The following SLC43A2 variants were observed in gnomAD, a reference collection of about 807,000 sequenced individuals.
The protein encoded by SLC43A2 is solute carrier family 43 member 2, also known as large neutral amino acids transporter small subunit 4.
Under a neutral mutation model 63.2 loss-of-function variants are expected in SLC43A2, and 38 were observed. The ratio of observed to expected loss-of-function variants is 0.60; its 90% CI spans 0.46 to 0.79. The LOEUF (loss-of-function observed/expected upper bound fraction) is 0.79. Ranked by LOEUF, SLC43A2 falls within the 30% of genes least tolerant of loss-of-function variation. SLC43A2 has a pLI of 0.00. For synonymous variants in SLC43A2, 322 were observed against 331.0 expected (o/e 0.97, Z 0.30); for missense variants, 644 against 756.2 (o/e 0.85, Z 1.74).
rs1214327028 is a variant in SLC43A2, at chr17:1,571,662, G to A, written c.*3942C>T. On this transcript the variant is annotated 3_prime_UTR_variant, in exon 14 of 14. Transcript: ENST00000301335. This position sits in a 1 kb window ranked among gnomAD's most constrained non-coding sequence, Gnocchi z 5.2. ...ACGGCAGGCAAGGAAGGTTTAAACGGAAGTTCTGACCAGGACGATGCTGGG... is the reference window on the plus strand; with the variant it reads ...ACGGCAGGCAAGGAAGGTTTAAACGAAAGTTCTGACCAGGACGATGCTGGG... 6.6e-6 allele frequency: 1 copy of A among 152,362 alleles called. No individual in the cohort carries two copies. The allele number at this position is 152,362 out of a possible 1,614,324, so 9.4% of individuals were successfully genotyped here. A position where few individuals can be genotyped will look rare whatever the true frequency, so the allele number is the denominator to read the frequency against.
Position 1,575,354 on chromosome 17 carries a change from C to A in SLC43A2, c.*250G>T. On this transcript the variant is annotated 3_prime_UTR_variant, in exon 14 of 14. Transcript: ENST00000301335. ...CTGCAGGCACCACAGAGACCCCAGG[C>A]CCCGGGTCCCCGGGGGGCGGCAGAG... 1 of 551,478 alleles carries A rather than the reference C, an allele frequency of 1.8e-6. No homozygotes were observed. The highest frequency in any genetic ancestry group is 3.2e-6 in the Non-Finnish European group (1 of 312,482). 34.2% of individuals were successfully genotyped at this position (551,478 alleles called of 1,614,324 possible). A position where few individuals can be genotyped will look rare whatever the true frequency, so the allele number is the denominator to read the frequency against.
chr17:1,583,976 A>T lies in SLC43A2; in HGVS notation c.1218-640T>A, dbSNP rs1194323023. Among the ~76,000 whole-genome samples the T allele has an allele frequency of 6.7e-6, 1 of 149,120 alleles. No individual in the cohort carries two copies. The highest frequency in any genetic ancestry group is 2.5e-5 in the African/African-American group (1 of 40,342). On this transcript the variant is annotated intron_variant, in intron 10 of 13. Transcript: ENST00000301335. The surrounding 1 kb of genome is among the most constrained non-coding windows in gnomAD (Gnocchi z 5.5). ...AGTGGTGTGATCTCGGCTCATTGCCACCTCTGCCTCCTGGGTTCAAGCGAT... is the reference window on the plus strand; with the variant it reads ...AGTGGTGTGATCTCGGCTCATTGCCTCCTCTGCCTCCTGGGTTCAAGCGAT...
chr17:1,587,304 A>C (rs532582953), intron 9 of SLC43A2, among the ~76,000 whole-genome samples: 1 of 152,342 alleles, frequency 6.6e-6, no homozygotes, highest in African/African-American at 2.4e-5. Context: ...GGCATGCGGA[A>C]GACCTGGTGC....
intron 11 of SLC43A2, among the ~76,000 whole-genome samples, chr17:1,580,940 T>A (rs983491811): frequency 6.6e-6 from 1 of 152,146 alleles, no homozygotes; most frequent in Admixed American, 6.5e-5. Flanking sequence ...GTCGCCATAT[T>A]GCCCAGGCTG....
At chr17:1,586,928 T>TGGGGCCCCCC in intron 9 of SLC43A2, 23 of 1,232,840 alleles carry the variant, frequency 1.9e-5, no homozygotes, top group Non-Finnish European at 2.6e-5. Context: ...TCCCTGACAA[T>TGGGGCCCCCC]CCCCCCCACC....
In SLC43A2 at chr17:1,572,966, A is replaced by G. The variant is rs2075868569; in HGVS notation, c.*2638T>C. On this transcript the variant is annotated 3_prime_UTR_variant, in exon 14 of 14. Coordinates refer to ENST00000301335, the MANE Select transcript of SLC43A2 (RefSeq NM_152346.3). ...GGTGGGAGAATTGCTTCAGCCCAGG[A>G]GTTCCAGACCAGCCTGGGCAAAATA... 1 of 152,178 alleles carries G rather than the reference A, an allele frequency of 6.6e-6. No homozygotes were observed. The highest frequency in any genetic ancestry group is 1.5e-5 in the Non-Finnish European group (1 of 68,048). The allele number at this position is 152,178 out of a possible 1,614,324, so 9.4% of individuals were successfully genotyped here. A position where few individuals can be genotyped will look rare whatever the true frequency, so the allele number is the denominator to read the frequency against.
intron 2 of SLC43A2, among the ~76,000 whole-genome samples, chr17:1,623,317 G>A (rs1262330856): frequency 6.6e-6 from 1 of 152,184 alleles, no homozygotes; most frequent in African/African-American, 2.4e-5. Context: ...CACCACCACA[G>A]GTGGAGAAAC....
At chr17:1,611,968 T>TTTG (rs909501808) in intron 5 of SLC43A2, among the ~76,000 whole-genome samples, 20 of 152,200 alleles carry the variant, frequency 1.3e-4, no homozygotes, top group Admixed American at 9.2e-4. Context: ...GACTTTCTTT[T>TTTG]TTGTTGTTGT....
rs941495462 is a variant in SLC43A2, at chr17:1,572,834, T to C, written c.*2770A>G. The C allele has an allele frequency of 6.6e-6, 1 of 152,268 alleles. No individual in the cohort carries two copies. The highest frequency in any genetic ancestry group is 1.5e-5 in the Non-Finnish European group (1 of 68,088). 9.4% of individuals were successfully genotyped at this position (152,268 alleles called of 1,614,324 possible). ...CAGCACTGCCCACTTTGGCTGGGAC[T>C]GGGCACTGCTGGGGACAGCACGGGC... On this transcript the variant is annotated 3_prime_UTR_variant, in exon 14 of 14. Coordinates refer to ENST00000301335, the MANE Select transcript of SLC43A2 (RefSeq NM_152346.3).
At chr17:1,628,590 C>A (rs1366615826) in intron 1 of SLC43A2, among the ~76,000 whole-genome samples, 1 of 152,196 alleles carries the variant, frequency 6.6e-6, no homozygotes, top group Non-Finnish European at 1.5e-5. Flanking sequence ...TCGGGCGTTC[C>A]CCCGGCAACT....
At chr17:1,586,928 T>TGGCCCCCACCC in intron 9 of SLC43A2, 2 of 1,232,914 alleles carry the variant, frequency 1.6e-6, no homozygotes, top group Non-Finnish European at 2.2e-6. Context: ...TCCCTGACAA[T>TGGCCCCCACCC]CCCCCCCACC....
In SLC43A2 at chr17:1,606,498, C is replaced by T. The variant is rs1187868559; in HGVS notation, c.501+6697G>A. 6.6e-6 allele frequency among the ~76,000 whole-genome samples: 1 copy of T among 152,206 alleles called. No individual in the cohort carries two copies. The highest frequency in any genetic ancestry group is 1.9e-4 in the East Asian group (1 of 5,198). On this transcript the variant is annotated intron_variant, in intron 5 of 13. Transcript: ENST00000301335. The surrounding 1 kb of genome is among the most constrained non-coding windows in gnomAD (Gnocchi z 4.7). ...CTTCTGCTGAGAAATCCCCATCCCA[C>T]CCACGGGGACAGGGGTCAGAGTAAT...
chr17:1,587,208 A>G (rs1567617370), intron 9 of SLC43A2, among the ~76,000 whole-genome samples: 1 of 152,170 alleles, frequency 6.6e-6, no homozygotes, highest in Non-Finnish European at 1.5e-5. Context: ...CCCTGCTGAC[A>G]TTCTCCTGTC....
intron 5 of SLC43A2, chr17:1,604,588 T>A (rs965807134): frequency 1.3e-6 from 1 of 746,422 alleles, no homozygotes; most frequent in Non-Finnish European, 2.2e-6. Flanking sequence ...AGCACGCTAT[T>A]GTGCAGAACT....
chr17:1,594,725 C>T (rs1424893756), intron 5 of SLC43A2, among the ~76,000 whole-genome samples: 2 of 149,922 alleles, frequency 1.3e-5, no homozygotes, highest in Admixed American at 6.7e-5. Flanking sequence ...GTAGCTGGGA[C>T]TATAGGCGCC....
Position 1,605,687 on chromosome 17 carries a change from G to C in SLC43A2, c.501+7508C>G, listed in dbSNP as rs1906542779. The stretch of plus-strand genomic sequence containing the variant: ...AGGGAGCCTTGTCCCCAAGTGGCTG[G>C]AGTACACACCCAGAGTTCTGTACAA... On this transcript the variant is annotated intron_variant, in intron 5 of 13. Coordinates refer to ENST00000301335, the MANE Select transcript of SLC43A2 (RefSeq NM_152346.3). This position sits in a 1 kb window ranked among gnomAD's most constrained non-coding sequence, Gnocchi z 4.9. Among the ~76,000 whole-genome samples, 1 of 152,130 alleles carries C rather than the reference G, an allele frequency of 6.6e-6. No homozygotes were observed. Among genetic ancestry groups the C allele is most frequent in the Non-Finnish European group, 1.5e-5 (1 of 68,024 alleles).
chr17:1,589,609 T>C (rs775825182), intron 9 of SLC43A2, among the ~76,000 whole-genome samples: 1 of 152,156 alleles, frequency 6.6e-6, no homozygotes, highest in Admixed American at 6.6e-5. Flanking sequence ...TTCCCCAAAG[T>C]GTGTTCCACA....
Position 1,591,728 on chromosome 17 carries a change from G to C in SLC43A2, c.595-29C>G, listed in dbSNP as rs777153413. 30 of 922,454 alleles carry C rather than the reference G, an allele frequency of 3.3e-5. 1 individual carries two copies. The highest frequency in any genetic ancestry group is 6.7e-4 in the Middle Eastern group (2 of 3,004). The allele number at this position is 922,454 out of a possible 1,614,324, so 57.1% of individuals were successfully genotyped here. On this transcript the variant is annotated intron_variant, in intron 6 of 13. Transcript: ENST00000301335. ...ACAGGCACCGCGGGGACGGGGTGGG[G>C]GGGGGAGGGGGCAGAGTTAGCCCGG...
chr17:1,586,928 T>TGGGCCCCCCCCCCCCCCCC, intron 9 of SLC43A2: 4 of 1,232,906 alleles, frequency 3.2e-6, no homozygotes, highest in Non-Finnish European at 3.4e-6. Context: ...TCCCTGACAA[T>TGGGCCCCCCCCCCCCCCCC]CCCCCCCACC....
Sources: allele counts gnomAD v4.1 joint callset (sites outside exome capture counted in the v4.1 genomes callset), GRCh38; gene constraint gnomAD v4.1.1; non-coding constraint Gnocchi (gnomAD v3.1); transcripts MANE v1.5; gene names NCBI Gene and HGNC (gene_info 2026-07-23, HGNC 2026-07-21).